CSMD1: variants seen among roughly 807,000 people sequenced by gnomAD.
The protein encoded by CSMD1 is CUB and sushi domain-containing protein 1.
CSMD1 carries 213 observed loss-of-function variants against 417.5 expected under a neutral mutation model. The ratio of observed to expected loss-of-function variants is 0.51; its 90% CI spans 0.46 to 0.57. The LOEUF is 0.57. CSMD1 is among the 20% of genes least tolerant of loss of function. The pLI, the probability that CSMD1 is intolerant of heterozygous loss-of-function variation, is 0.00. For missense variants in CSMD1, 6,923 were observed against 4,529.7 expected (o/e 1.53, Z -15.17); for synonymous variants, 2,862 against 1,736.8 (o/e 1.65, Z -16.11).
chr8:4,701,942 G>T (rs897978033), intron 1 of CSMD1, among the ~76,000 whole-genome samples: 2 of 152,168 alleles, frequency 1.3e-5, no homozygotes, highest in East Asian at 1.9e-4. Flanking sequence ...AAAGGAATGA[G>T]ATCATGTCCT....
rs1797537335 is a variant in CSMD1, at chr8:4,544,221, C to G, written c.302+93121G>C. Among the ~76,000 whole-genome samples, 2 of 152,206 alleles carry G rather than the reference C, an allele frequency of 1.3e-5. 1 individual carries two copies. Among genetic ancestry groups the G allele is most frequent in the Middle Eastern group, 6.8e-3 (2 of 294 alleles). ...AAGCCATCTGAGTTTCCTCCTTTGTCATCCTTGTGTGGTTATATAGTCTCG... is the reference window on the plus strand; with the variant it reads ...AAGCCATCTGAGTTTCCTCCTTTGTGATCCTTGTGTGGTTATATAGTCTCG... On this transcript the variant is annotated intron_variant, in intron 2 of 69. Transcript: ENST00000635120.
At position 4,144,021 on chromosome 8, in the gene CSMD1, A is replaced by C. The variant is rs1007571616; in HGVS notation, c.416-111922T>G. Among the ~76,000 whole-genome samples, 3 of 151,318 alleles carry C rather than the reference A, an allele frequency of 2.0e-5. No homozygotes were observed. The East Asian group carries it at 5.8e-4, about 29-fold the overall frequency. On this transcript the variant is annotated intron_variant, in intron 3 of 69. Coordinates refer to ENST00000635120, the MANE Select transcript of CSMD1 (RefSeq NM_033225.6). ...GACACGGTGGAAGGAGGAGGGCTAT[A>C]GAGAAAGCAGCCTTTGATCCTTTGT... is the stretch of plus-strand genomic sequence containing the variant.
At chr8:3,787,205 T>C (rs915522391) in intron 5 of CSMD1, among the ~76,000 whole-genome samples, 1 of 152,172 alleles carries the variant, frequency 6.6e-6, no homozygotes, top group Non-Finnish European at 1.5e-5. Context: ...GAATTTTGTA[T>C]TCCTATGCTG....
At chr8:4,072,066 C>T (rs1041925248) in intron 3 of CSMD1, among the ~76,000 whole-genome samples, 1 of 152,174 alleles carries the variant, frequency 6.6e-6, no homozygotes, top group South Asian at 2.1e-4. Flanking sequence ...GGTTTTGCCA[C>T]CAGCACTGAC....
intron 3 of CSMD1, among the ~76,000 whole-genome samples, chr8:4,369,247 T>A (rs145682420): frequency 5.7e-4 from 87 of 152,300 alleles, no homozygotes; most frequent in African/African-American, 2.1e-3. Flanking sequence ...CATGTAATTG[T>A]ATGGCTCTGA....
chr8:3,780,178 G>A (rs1451270908), intron 5 of CSMD1, among the ~76,000 whole-genome samples: 1 of 152,166 alleles, frequency 6.6e-6, no homozygotes. Flanking sequence ...AATATGACAG[G>A]TTAAAAGTTA....
intron 23 of CSMD1, among the ~76,000 whole-genome samples, chr8:3,312,198 TATCA>T (rs1234407475): frequency 2.0e-5 from 3 of 152,222 alleles, no homozygotes; most frequent in Admixed American, 6.5e-5. Flanking sequence ...TTGCTTTTTC[TATCA>T]ATCATTCAAT....
chr8:2,996,732 A>G (rs1322943642), intron 54 of CSMD1, among the ~76,000 whole-genome samples: 2 of 152,208 alleles, frequency 1.3e-5, no homozygotes, highest in Non-Finnish European at 2.9e-5. Flanking sequence ...ATCTCCTCTT[A>G]TTTCTCGTGA....
chr8:3,162,397 C>G (rs1819953512), intron 37 of CSMD1, 120 bp from the exon 38 acceptor site: 3 of 671,768 alleles, frequency 4.5e-6, no homozygotes, highest in Non-Finnish European at 7.9e-6. Flanking sequence ...GACTTCAACT[C>G]TTTCTCTTGT....
At chr8:3,587,467 T>A (rs2117006655) in intron 8 of CSMD1, among the ~76,000 whole-genome samples, 1 of 152,318 alleles carries the variant, frequency 6.6e-6, no homozygotes, top group South Asian at 2.1e-4. Context: ...CAGTTGTCAG[T>A]GTGGATGGAT....
At chr8:3,207,583 G>C (rs1357352441) in intron 30 of CSMD1, among the ~76,000 whole-genome samples, 1 of 152,068 alleles carries the variant, frequency 6.6e-6, no homozygotes, top group Non-Finnish European at 1.5e-5. Flanking sequence ...TTAGAATATG[G>C]TAATGCTAAG....
chr8:4,123,664 A>C (rs1038631004), intron 3 of CSMD1, among the ~76,000 whole-genome samples: 11 of 152,236 alleles, frequency 7.2e-5, no homozygotes, highest in African/African-American at 2.4e-4. Flanking sequence ...TAACACTCTT[A>C]AAGTGGGAAA....
chr8:4,609,359 T>C (rs1318933686), intron 2 of CSMD1, among the ~76,000 whole-genome samples: 4 of 152,164 alleles, frequency 2.6e-5, no homozygotes, highest in Non-Finnish European at 5.9e-5. Context: ...CGAGACTGCG[T>C]GACTGCACTC....
At chr8:4,822,522 T>A (rs1472087523) in intron 1 of CSMD1, among the ~76,000 whole-genome samples, 1 of 152,144 alleles carries the variant, frequency 6.6e-6, no homozygotes, top group Non-Finnish European at 1.5e-5. Context: ...ACAGGATAAC[T>A]AGGCAGTTAT....
chr8:4,282,882 T>A (rs1463511175), intron 3 of CSMD1, among the ~76,000 whole-genome samples: 1 of 152,230 alleles, frequency 6.6e-6, no homozygotes, highest in Non-Finnish European at 1.5e-5. Context: ...AATTATATTT[T>A]ACATTAATGG....
chr8:3,993,539 T>G (rs1052785766), intron 5 of CSMD1, among the ~76,000 whole-genome samples: 1 of 152,186 alleles, frequency 6.6e-6, no homozygotes, highest in Non-Finnish European at 1.5e-5. Flanking sequence ...AATAGTAAAA[T>G]TGTGCTGGTT....
chr8:4,916,539 G>A (rs1806078443), intron 1 of CSMD1, among the ~76,000 whole-genome samples: 2 of 152,186 alleles, frequency 1.3e-5, no homozygotes, highest in South Asian at 2.1e-4. Context: ...TGTTTAGAAT[G>A]AGAAAATGCA....
chr8:4,576,613 T>G (rs989455133), intron 2 of CSMD1, among the ~76,000 whole-genome samples: 3 of 152,190 alleles, frequency 2.0e-5, no homozygotes, highest in African/African-American at 7.2e-5. Context: ...TAGCTTACTC[T>G]GTATATATAT....
chr8:4,195,793 C>G (rs976550501), intron 3 of CSMD1, among the ~76,000 whole-genome samples: 1 of 152,088 alleles, frequency 6.6e-6, no homozygotes, highest in African/African-American at 2.4e-5. Context: ...CCTGAATGAG[C>G]TTGGATGCAC....
Sources: gnomAD v4.1 joint callset for allele counts (sites outside exome capture counted in the v4.1 genomes callset) on GRCh38, gnomAD v4.1.1 for gene constraint, MANE v1.5 for transcripts, NCBI Gene and HGNC (gene_info 2026-07-23, HGNC 2026-07-21) for gene names.